GPR155: variants seen among roughly 807,000 people sequenced by gnomAD.
GPR155 encodes the protein lysosomal cholesterol signaling protein.
Under a neutral mutation model 93.1 loss-of-function variants are expected in GPR155, and 65 were observed. That is an observed-to-expected ratio of 0.70 (90% CI 0.57 to 0.86). The LOEUF is 0.86. GPR155 is among the 40% of genes least tolerant of loss of function. GPR155 has a pLI of 0.00. For missense variants in GPR155, 838 were observed against 1,034.8 expected (o/e 0.81, Z 2.61); for synonymous variants, 319 against 360.1 (o/e 0.89, Z 1.29).
chr2:174,482,629 A>G (rs767912303), intron 1 of GPR155, among the ~76,000 whole-genome samples: 140 of 152,170 alleles, frequency 9.2e-4, no homozygotes, highest in Admixed American at 1.9e-3. Context: ...GCTCAGTGCA[A>G]CCTCTGTCTC....
At chr2:174,465,637 G>T in intron 7 of GPR155, 148 bp downstream of exon 7, 1 of 511,202 alleles carries the variant, frequency 2.0e-6, no homozygotes, top group Non-Finnish European at 3.6e-6. Flanking sequence ...CAGCTTTGCC[G>T]ATGGCCTCTG....
Position 174,470,573 on chromosome 2 carries a change from ACAT to A in GPR155, c.861-21_861-19del. On this transcript the variant is annotated intron_variant, in intron 3 of 15. Coordinates refer to ENST00000392552, the MANE Select transcript of GPR155 (RefSeq NM_152529.7). ...GCACCAGACTGAAGAAAAAAGAAAA[ACAT>A]CATTTACCTGATATCAAAGCATGGT... The A allele has an allele frequency of 6.2e-7, 1 of 1,606,774 alleles. No homozygotes were observed. Among genetic ancestry groups the A allele is most frequent in the African/African-American group, 1.3e-5 (1 of 74,814 alleles).
Position 174,434,502 on chromosome 2 carries a change from T to A in GPR155, c.*1614A>T, listed in dbSNP as rs1686718072. 1.3e-5 allele frequency: 2 copies of A among 152,088 alleles called. No homozygotes were observed. The highest frequency in any genetic ancestry group is 2.9e-5 in the Non-Finnish European group (2 of 68,018). The allele number at this position is 152,088 out of a possible 1,614,324, so 9.4% of individuals were successfully genotyped here. A position where few individuals can be genotyped will look rare whatever the true frequency, so the allele number is the denominator to read the frequency against. The stretch of plus-strand genomic sequence containing the variant: ...TTCTGCAGGACTGTGGAGATAATAA[T>A]ACATATGGAGGTTCTTATTCCTTTC... On this transcript the variant is annotated 3_prime_UTR_variant, in exon 16 of 16. Coordinates refer to ENST00000392552, the MANE Select transcript of GPR155 (RefSeq NM_152529.7).
At chr2:174,439,873 G>A in intron 15 of GPR155, 25 bp downstream of exon 15, 1 of 1,595,808 alleles carries the variant, frequency 6.3e-7, no homozygotes, top group South Asian at 1.1e-5. Context: ...TAATTGTCTA[G>A]AACCTGTACT....
intron 2 of GPR155, among the ~76,000 whole-genome samples, chr2:174,473,976 C>G (rs1464469749): frequency 1.3e-5 from 2 of 152,096 alleles, no homozygotes; most frequent in Non-Finnish European, 1.5e-5. Context: ...TAAATATTTT[C>G]CAGATGACAA....
At chr2:174,454,644 A>G (rs945347218) in intron 10 of GPR155, among the ~76,000 whole-genome samples, 2 of 138,924 alleles carry the variant, frequency 1.4e-5, no homozygotes, top group African/African-American at 5.2e-5. Flanking sequence ...GAAGGAAGGA[A>G]GGAGGGAGGG....
chr2:174,447,128 G>T (rs1687155337), intron 11 of GPR155, among the ~76,000 whole-genome samples: 1 of 151,586 alleles, frequency 6.6e-6, no homozygotes, highest in Non-Finnish European at 1.5e-5. Context: ...CTTGAGATTA[G>T]GAGTTCAAGA....
intron 10 of GPR155, among the ~76,000 whole-genome samples, chr2:174,456,754 T>G (rs555538932): frequency 6.6e-6 from 1 of 152,352 alleles, no homozygotes; most frequent in African/African-American, 2.4e-5. Context: ...GGTATATGCA[T>G]ATCATTGATT....
chr2:174,479,274 C>A (rs1327913462), intron 2 of GPR155, among the ~76,000 whole-genome samples: 1 of 152,152 alleles, frequency 6.6e-6, no homozygotes, highest in African/African-American at 2.4e-5. Context: ...TCTAATAGGT[C>A]TTTTTCCACT....
At chr2:174,437,733 C>T (rs1039714605) in intron 15 of GPR155, among the ~76,000 whole-genome samples, 1 of 151,640 alleles carries the variant, frequency 6.6e-6, no homozygotes. Context: ...TACAGGCATG[C>T]GCCACCACAC....
At chr2:174,449,391 A>G (rs1687251520) in intron 11 of GPR155, among the ~76,000 whole-genome samples, 1 of 152,196 alleles carries the variant, frequency 6.6e-6, no homozygotes, top group African/African-American at 2.4e-5. Context: ...CATATCCAAA[A>G]GAAAAAAAAT....
Position 174,436,152 on chromosome 2 carries a change from C to T in GPR155, c.2577G>A (p.Glu859=), listed in dbSNP as rs758811403. 1.9e-6 allele frequency: 3 copies of T among 1,613,926 alleles called. No individual in the cohort carries two copies. The Admixed American group carries it at 5.0e-5, about 27-fold the overall frequency. Residue 859 remains glutamate (E), a synonymous_variant, in exon 16 of 16, where the codon GAG becomes GAA. Transcript: ENST00000392552. ...GGGAATGTGAGGGTGGGGATGAATG[C>T]TCAATTTCTTTATATCTTTCCTGTT... The part of the protein sequence containing the change: ...TLQQERYKEI[E]HSSPPSHSPK...
In GPR155 at chr2:174,432,220, A is replaced by G. The variant is rs1009102602; in HGVS notation, c.*3896T>C. On this transcript the variant is annotated 3_prime_UTR_variant, in exon 16 of 16. Transcript: ENST00000392552. ...GCTTCTGCATTATTCAGATTACTCAAAGAAAAGATGTCAGTAATGCAAGTT... is the reference window on the plus strand; with the variant it reads ...GCTTCTGCATTATTCAGATTACTCAGAGAAAAGATGTCAGTAATGCAAGTT... The G allele has an allele frequency of 2.0e-5, 3 of 152,668 alleles. No individual in the cohort carries two copies. Among genetic ancestry groups the G allele is most frequent in the Non-Finnish European group, 2.9e-5 (2 of 68,046 alleles). 9.5% of individuals were successfully genotyped at this position (152,668 alleles called of 1,614,324 possible).
At chr2:174,453,457 G>A (rs952347642) in intron 11 of GPR155, among the ~76,000 whole-genome samples, 5 of 151,820 alleles carry the variant, frequency 3.3e-5, no homozygotes, top group African/African-American at 7.3e-5. Flanking sequence ...TCAGGAGATC[G>A]AGACCATCCT....
intron 2 of GPR155, 93 bp from the exon 3 acceptor site, chr2:174,473,457 T>C (rs974386254): frequency 2.3e-6 from 2 of 862,392 alleles, no homozygotes; most frequent in Middle Eastern, 3.8e-4. Context: ...ATAGCAATGA[T>C]AAATCTAAAA....
chr2:174,461,299 G>A, intron 9 of GPR155, 103 bp downstream of exon 9: 1 of 726,654 alleles, frequency 1.4e-6, no homozygotes, highest in Admixed American at 2.3e-5. Context: ...GCAATAAATT[G>A]AAATAGATTT....
chr2:174,449,624 C>T (rs1000773065), intron 11 of GPR155, among the ~76,000 whole-genome samples: 4 of 152,170 alleles, frequency 2.6e-5, no homozygotes, highest in South Asian at 2.1e-4. Context: ...GCGGGCAGAT[C>T]GCTTGAGCTC....
intron 7 of GPR155, among the ~76,000 whole-genome samples, chr2:174,464,900 T>C (rs1441767892): frequency 6.6e-6 from 1 of 152,178 alleles, no homozygotes; most frequent in Non-Finnish European, 1.5e-5. Context: ...GACCTGCTTT[T>C]GATCCTGAAG....
chr2:174,484,640 C>T (rs1688421312), intron 1 of GPR155, among the ~76,000 whole-genome samples: 1 of 152,162 alleles, frequency 6.6e-6, no homozygotes, highest in African/African-American at 2.4e-5. Context: ...GTAAAAACCT[C>T]CCTATAGGGA....
Sources: gnomAD v4.1 joint callset for allele counts (sites outside exome capture counted in the v4.1 genomes callset) on GRCh38, gnomAD v4.1.1 for gene constraint, MANE v1.5 for transcripts, NCBI Gene and HGNC (gene_info 2026-07-23, HGNC 2026-07-21) for gene names.